Variants in APBB1IP observed in about 807,000 individuals in gnomAD.
APBB1IP encodes the protein amyloid beta A4 precursor protein-binding family B member 1-interacting protein.
A neutral mutation model predicts 64.9 loss-of-function variants in APBB1IP; 27 were observed. The observed-to-expected ratio is 0.42, with a 90% CI of 0.31 to 0.57. The LOEUF is 0.57. APBB1IP is among the 20% of genes least tolerant of loss of function. The pLI is 0.20. For missense variants in APBB1IP, 812 were observed against 845.5 expected, an observed-to-expected ratio of 0.96 and a Z score of 0.49; for synonymous variants, 392 against 331.0, an observed-to-expected ratio of 1.18 and a Z score of -2.00.
chr10:26,532,759 G>A (rs1414355923), intron 8 of APBB1IP, among the ~76,000 whole-genome samples: 1 of 152,112 alleles, frequency 6.6e-6, no homozygotes, highest in African/African-American at 2.4e-5. Flanking sequence ...CAGAGTGGTG[G>A]GATTATGGGC....
rs560525431 is a variant in APBB1IP, at chr10:26,508,583, GCTAAATCACATAACTGTGATTTAGCTTA to G, written c.532-3140_532-3113del. Among the ~76,000 whole-genome samples the G allele has an allele frequency of 7.1e-3, 1,074 of 151,964 alleles. 6 individuals carry two copies. The highest frequency in any genetic ancestry group is 0.01 in the Non-Finnish European group (705 of 67,970). ...CCATAAATATGAAAGTATTTAGCTT[GCTAAATCACATAACTGTGATTTAGCTTA>G]CTAAATCACATAACTGTGATTTAAT... is the stretch of plus-strand genomic sequence containing the variant. On this transcript the variant is annotated intron_variant, in intron 6 of 14. Coordinates refer to ENST00000376236, the MANE Select transcript of APBB1IP (RefSeq NM_019043.4).
rs1443821130 is a variant in APBB1IP, at chr10:26,556,533, G to T, written c.1156-3572G>T. 3.9e-5 allele frequency among the ~76,000 whole-genome samples: 6 copies of T among 152,318 alleles called. No individual in the cohort carries two copies. In the East Asian group the frequency reaches 1.2e-3, roughly 29 times the overall value. ...AGCAAGGTTTATCACCCCATCATCA[G>T]GGGGCTGTTTTATGTTCAAAAGTCA... On this transcript the variant is annotated intron_variant, in intron 11 of 14. Transcript: ENST00000376236.
chr10:26,470,718 G>A (rs887631823), intron 2 of APBB1IP, among the ~76,000 whole-genome samples: 57 of 152,186 alleles, frequency 3.7e-4, no homozygotes, highest in African/African-American at 1.4e-3. Flanking sequence ...TCCAGACTTA[G>A]TCCCATTGTA....
intron 2 of APBB1IP, among the ~76,000 whole-genome samples, chr10:26,476,062 CTTT>C (rs1222190976): frequency 5.0e-5 from 7 of 140,142 alleles, no homozygotes; most frequent in African/African-American, 1.3e-4. Context: ...TTTATAAAAA[CTTT>C]TTTTTTTTTT....
At chr10:26,543,541 T>G (rs1253920459) in intron 11 of APBB1IP, among the ~76,000 whole-genome samples, 3 of 151,564 alleles carry the variant, frequency 2.0e-5, no homozygotes, top group African/African-American at 4.8e-5. Flanking sequence ...AGGATTATTA[T>G]TATCATTATT....
chr10:26,515,039 T>TTC (rs1386770848), intron 8 of APBB1IP, among the ~76,000 whole-genome samples: 1 of 3,412 alleles, frequency 2.9e-4, no homozygotes, highest in Non-Finnish European at 4.6e-4. Flanking sequence ...CCCCGGCTAA[T>TTC]TTTTTTTTTT....
intron 2 of APBB1IP, among the ~76,000 whole-genome samples, chr10:26,457,144 A>C (rs1221914800): frequency 3.9e-5 from 6 of 152,170 alleles, no homozygotes; most frequent in African/African-American, 1.4e-4. Flanking sequence ...CACTCACAGC[A>C]CAGGAGCTAG....
intron 5 of APBB1IP, among the ~76,000 whole-genome samples, chr10:26,502,832 G>A (rs1836123483): frequency 6.6e-6 from 1 of 152,158 alleles, no homozygotes. Flanking sequence ...CAGTTTGTGA[G>A]CCAAGCGGAT....
At chr10:26,509,587 C>T (rs1404836094) in intron 6 of APBB1IP, 1 of 152,194 alleles carries the variant, frequency 6.6e-6, no homozygotes, top group Non-Finnish European at 1.5e-5. Flanking sequence ...AAGAATAAAG[C>T]TACAGCCAGC....
chr10:26,510,094 T>C (rs1836233893), intron 6 of APBB1IP, among the ~76,000 whole-genome samples: 2 of 152,104 alleles, frequency 1.3e-5, no homozygotes, highest in African/African-American at 4.8e-5. Context: ...CTCAGCCTCC[T>C]GAGCAGCTGG....
chr10:26,496,285 G>A lies in APBB1IP; in HGVS notation c.73-19G>A, dbSNP rs372848780. 1.2e-4 allele frequency: 193 copies of A among 1,576,454 alleles called. 1 individual carries two copies. The highest frequency in any genetic ancestry group is 6.7e-4 in the Middle Eastern group (4 of 5,990). On this transcript the variant is annotated intron_variant, in intron 3 of 14. Transcript: ENST00000376236. ...GTTTGTATCATGAATAACTTTGATG[G>A]GGGGATCTTTTTTCACAGAGTTTAG...
chr10:26,538,149 A>C (rs1029807699), intron 10 of APBB1IP, among the ~76,000 whole-genome samples: 2 of 152,214 alleles, frequency 1.3e-5, no homozygotes, highest in African/African-American at 4.8e-5. Flanking sequence ...AGAACCAAAT[A>C]AATGTATTAA....
At chr10:26,530,230 T>TTC (rs1836532179) in intron 8 of APBB1IP, among the ~76,000 whole-genome samples, 1 of 73,152 alleles carries the variant, frequency 1.4e-5, no homozygotes, top group Non-Finnish European at 2.6e-5. Flanking sequence ...TTCTTTTTCT[T>TTC]TTTTTTTTTT....
chr10:26,492,012 T>C (rs1319695793), intron 2 of APBB1IP, among the ~76,000 whole-genome samples: 1 of 152,162 alleles, frequency 6.6e-6, no homozygotes, highest in Admixed American at 6.5e-5. Context: ...TCTGCCTGTC[T>C]CGGCTTCCCC....
In APBB1IP at chr10:26,564,163, A is replaced by G. The variant is rs1194771859; in HGVS notation, c.1473+1734A>G. Among the ~76,000 whole-genome samples, 3 of 151,968 alleles carry G rather than the reference A, an allele frequency of 2.0e-5. No homozygotes were observed. The South Asian group carries it at 6.2e-4, about 32-fold the overall frequency. On this transcript the variant is annotated intron_variant, in intron 14 of 14. Coordinates refer to ENST00000376236, the MANE Select transcript of APBB1IP (RefSeq NM_019043.4). ...TCCAAATTTAATCTTCAATGGTAAGAGGCCACTAAGCAGAGAATGAAATGA... is the reference window on the plus strand; with the variant it reads ...TCCAAATTTAATCTTCAATGGTAAGGGGCCACTAAGCAGAGAATGAAATGA...
At chr10:26,460,498 G>A (rs554497579) in intron 2 of APBB1IP, among the ~76,000 whole-genome samples, 2 of 152,058 alleles carry the variant, frequency 1.3e-5, no homozygotes, top group Non-Finnish European at 2.9e-5. Context: ...GCATGCATAT[G>A]TTCATTGTTC....
chr10:26,496,451 T>A, intron 4 of APBB1IP, 60 bp downstream of exon 4: 1 of 1,322,184 alleles, frequency 7.6e-7, no homozygotes, highest in Non-Finnish European at 1.1e-6. Context: ...TTCAAATCAG[T>A]ATGAAACTAT....
At chr10:26,566,817 G>A (rs1837050489) in intron 14 of APBB1IP, 144 bp from the exon 15 acceptor site, 4 of 873,070 alleles carry the variant, frequency 4.6e-6, no homozygotes, top group Admixed American at 3.6e-5. Context: ...GAGCTCGGGA[G>A]GTCGAGGCTG....
chr10:26,522,387 G>A (rs4747568), intron 8 of APBB1IP, among the ~76,000 whole-genome samples: 23,209 of 152,096 alleles, frequency 0.15, 1,826 homozygotes, highest in Middle Eastern at 0.2. Flanking sequence ...ATCACCCAAA[G>A]TCCATAATTG....
Sources: allele counts gnomAD v4.1 joint callset (sites outside exome capture counted in the v4.1 genomes callset), GRCh38; gene constraint gnomAD v4.1.1; transcripts MANE v1.5; gene names NCBI Gene and HGNC (gene_info 2026-07-23, HGNC 2026-07-21).